TUB: variants seen among roughly 807,000 people sequenced by gnomAD.
TUB encodes TUB bipartite transcription factor.
In TUB, 33 loss-of-function variants were observed where a neutral mutation model predicts 59.7. The observed-to-expected ratio is 0.55, with a 90% CI of 0.42 to 0.74. The LOEUF (loss-of-function observed/expected upper bound fraction) is 0.74. TUB is among the 30% of genes least tolerant of loss of function. The probability of loss-of-function intolerance (pLI) is 0.00; values close to 1 mark genes in which losing one functional copy is unlikely to be tolerated. For missense variants in TUB, 659 were observed against 672.0 expected (o/e 0.98, Z 0.21); for synonymous variants, 293 against 256.4 (o/e 1.14, Z -1.36).
At chr11:8,040,467 A>G (rs1942730714) in intron 2 of TUB, among the ~76,000 whole-genome samples, 1 of 152,094 alleles carries the variant, frequency 6.6e-6, no homozygotes, top group Admixed American at 6.6e-5. Context: ...TTGCCTCCTC[A>G]TGGATGTCAG....
At position 8,047,520 on chromosome 11, in the gene TUB, G is replaced by A. The variant is rs183439985; in HGVS notation, c.203+7828G>A. Among the ~76,000 whole-genome samples the A allele has an allele frequency of 6.7e-4, 102 of 152,310 alleles. 1 individual carries two copies. The highest frequency in any genetic ancestry group is 1.0e-4 in the Non-Finnish European group (7 of 68,026). On this transcript the variant is annotated intron_variant, in intron 2 of 12. Transcript: ENST00000305253. Reference sequence around the variant, plus strand: ...GAATGGAGGTGTGGAGCCATGGCTGGTGGAAATGAGATCCAAGGCCAGATG... The same window carrying A: ...GAATGGAGGTGTGGAGCCATGGCTGATGGAAATGAGATCCAAGGCCAGATG...
At chr11:8,092,295 G>A (rs1337844915) in intron 3 of TUB, among the ~76,000 whole-genome samples, 6 of 152,140 alleles carry the variant, frequency 3.9e-5, no homozygotes, top group African/African-American at 1.2e-4. Context: ...TGAGCAGGGT[G>A]TGGTGACACC....
At chr11:8,043,592 T>C (rs544955957) in intron 2 of TUB, among the ~76,000 whole-genome samples, 204 of 152,356 alleles carry the variant, frequency 1.3e-3, no homozygotes, top group Non-Finnish European at 1.7e-3. Flanking sequence ...AGGTCTTCTT[T>C]AATTTCTTTC....
intron 2 of TUB, among the ~76,000 whole-genome samples, chr11:8,041,216 C>T (rs1341963224): frequency 2.0e-5 from 3 of 152,302 alleles, no homozygotes; most frequent in South Asian, 2.1e-4. Flanking sequence ...TGTTTGGTAT[C>T]TCTCTACTTC....
intron 2 of TUB, among the ~76,000 whole-genome samples, chr11:8,055,993 A>C (rs1943013995): frequency 6.6e-6 from 1 of 152,080 alleles, no homozygotes; most frequent in South Asian, 2.1e-4. Context: ...AGGGCATGGG[A>C]GGAGCTTCCA....
chr11:8,067,929 C>A (rs1390794570), intron 2 of TUB: 3 of 152,342 alleles, frequency 2.0e-5, no homozygotes, highest in African/African-American at 7.2e-5. Flanking sequence ...CTTCTCAAAC[C>A]TGCTATTCCC....
intron 1 of TUB, among the ~76,000 whole-genome samples, chr11:8,032,236 A>G (rs897165314): frequency 4.6e-5 from 7 of 152,088 alleles, no homozygotes; most frequent in African/African-American, 1.7e-4. Flanking sequence ...CTGACCCTTT[A>G]TAGCCTTGTG....
chr11:8,083,581 A>C (rs1250335847), intron 1 of TUB, among the ~76,000 whole-genome samples: 1 of 152,084 alleles, frequency 6.6e-6, no homozygotes, highest in African/African-American at 2.4e-5. Flanking sequence ...CACTTGCCTC[A>C]GCCCAGGTCC....
intron 1 of TUB, among the ~76,000 whole-genome samples, chr11:8,083,816 C>T (rs1943615925): frequency 6.6e-6 from 1 of 152,186 alleles, no homozygotes; most frequent in African/African-American, 2.4e-5. Flanking sequence ...CAGCAGTTGC[C>T]AGGATCCCCC....
chr11:8,094,653 C>T (rs759054123), intron 4 of TUB, among the ~76,000 whole-genome samples: 4 of 152,212 alleles, frequency 2.6e-5, no homozygotes, highest in Non-Finnish European at 5.9e-5. Flanking sequence ...AGGTTCCACC[C>T]TCTGGACCAC....
intron 2 of TUB, among the ~76,000 whole-genome samples, chr11:8,041,709 C>G (rs1235076118): frequency 1.3e-5 from 2 of 152,186 alleles, no homozygotes; most frequent in African/African-American, 4.8e-5. Flanking sequence ...ACTCTTGTTC[C>G]TATTCTATCT....
Position 8,101,816 on chromosome 11 carries a change from G to A in TUB, c.*197G>A, listed in dbSNP as rs190992245. The A allele has an allele frequency of 2.0e-4, 168 of 861,350 alleles. No individual in the cohort carries two copies. The East Asian group carries it at 2.4e-3, about 12-fold the overall frequency. 53.4% of individuals were successfully genotyped at this position (861,350 alleles called of 1,614,324 possible). ...CTGAGGCAGGGGAGTAGTGGAGAGC[G>A]GGTGGGTGGGTGTGAAGGGATGAGA... On this transcript the variant is annotated 3_prime_UTR_variant, in exon 12 of 12. Coordinates refer to ENST00000299506, the MANE Select transcript of TUB (RefSeq NM_177972.3).
At chr11:8,070,258 T>A (rs1267484206) in intron 2 of TUB, among the ~76,000 whole-genome samples, 1 of 152,212 alleles carries the variant, frequency 6.6e-6, no homozygotes, top group East Asian at 1.9e-4. Flanking sequence ...CATATAGAAA[T>A]ACATTAGGAA....
intron 1 of TUB, among the ~76,000 whole-genome samples, chr11:8,024,292 A>G (rs1426831315): frequency 6.6e-6 from 1 of 152,168 alleles, no homozygotes; most frequent in South Asian, 2.1e-4. Context: ...CTAGAATCCT[A>G]CAACAAAAAT....
intron 2 of TUB, chr11:8,068,655 A>C (rs1032418442): frequency 6.6e-6 from 1 of 152,448 alleles, no homozygotes; most frequent in Admixed American, 6.5e-5. Flanking sequence ...CCAGCCTCAA[A>C]GGCCGTCTCT....
At chr11:8,086,074 C>A (rs12287635) in intron 1 of TUB, among the ~76,000 whole-genome samples, 10,068 of 152,152 alleles carry the variant, frequency 0.066, 653 homozygotes, top group African/African-American at 0.17. Context: ...CTGTTCAGGC[C>A]CCCAGCAGGA....
In TUB at chr11:8,044,751, A is replaced by C. The variant is rs561537121; in HGVS notation, c.203+5059A>C. Among the ~76,000 whole-genome samples the C allele has an allele frequency of 4.6e-5, 7 of 152,370 alleles. No individual in the cohort carries two copies. The East Asian group carries it at 9.6e-4, about 21-fold the overall frequency. ...TTGTCACCTATACTTCTGGCCAACC[A>C]GCTATAAATTGGGGGTTCCTAGGAC... On this transcript the variant is annotated intron_variant, in intron 2 of 12. Transcript: ENST00000305253.
At chr11:8,034,730 T>C (rs1298893636), upstream of TUB, among the ~76,000 whole-genome samples, 1 of 152,178 alleles carries the variant, frequency 6.6e-6, no homozygotes, top group Non-Finnish European at 1.5e-5. Flanking sequence ...CTTGCCAGCT[T>C]CTTCCCTGCC....
Position 8,105,970 on chromosome 11 carries a change from G to T in TUB, c.*4351G>T, listed in dbSNP as rs1300095170. On this transcript the variant is annotated 3_prime_UTR_variant, in exon 12 of 12. Coordinates refer to ENST00000299506, the MANE Select transcript of TUB (RefSeq NM_177972.3). ...TTTTCACAATGCCTAGACTGTGTAT[G>T]TCTATTTGCACAAGATTGTCTTTTC... 6.6e-6 allele frequency: 1 copy of T among 152,208 alleles called. No homozygotes were observed. The highest frequency in any genetic ancestry group is 2.4e-5 in the African/African-American group (1 of 41,466). 9.4% of individuals were successfully genotyped at this position (152,208 alleles called of 1,614,324 possible).
Sources: gnomAD v4.1 joint callset for allele counts (sites outside exome capture counted in the v4.1 genomes callset) on GRCh38, gnomAD v4.1.1 for gene constraint, MANE v1.5 for transcripts, NCBI Gene and HGNC (gene_info 2026-07-23, HGNC 2026-07-21) for gene names.